The following ITGAE variants were observed in gnomAD, a reference collection of about 807,000 sequenced individuals.
ITGAE encodes the protein integrin alpha-E.
In ITGAE, 99 loss-of-function variants were observed where a neutral mutation model predicts 136.5. That is an observed-to-expected ratio of 0.73 (90% CI 0.62 to 0.86). The LOEUF is 0.86. Ranked by LOEUF, ITGAE falls within the 40% of genes least tolerant of loss-of-function variation. ITGAE has a pLI of 0.00. For missense variants in ITGAE, 1,447 were observed against 1,515.3 expected (o/e 0.95, Z 0.75); for synonymous variants, 613 against 591.8 (o/e 1.04, Z -0.52).
intron 1 of ITGAE, among the ~76,000 whole-genome samples, chr17:3,791,154 CAAAA>C (rs61179988): frequency 3.1e-5 from 3 of 96,286 alleles, no homozygotes; most frequent in Admixed American, 1.1e-4. Flanking sequence ...GACTCTGTCT[CAAAA>C]AAAAAAAAAA....
rs371105416 is a variant in ITGAE at position 3,753,340 on chromosome 17, G to A, written c.1618C>T (p.His540Tyr). The change falls in exon 14 of 31, where the codon CAC becomes TAC. Residue 540 changes from histidine (H) to tyrosine (Y), a missense_variant. Coordinates refer to ENST00000263087, the MANE Select transcript of ITGAE (RefSeq NM_002208.5). Reference protein sequence around the residue: ...DFLLVAAPFYHVHGEEGRVYV... With the variant: ...DFLLVAAPFYYVHGEEGRVYV... ...ACTCTGCCTTCTTCTCCATGAACGTGGTAAAATGGAGCAGCCACCAGCAAG... is the reference window on the plus strand; with the variant it reads ...ACTCTGCCTTCTTCTCCATGAACGTAGTAAAATGGAGCAGCCACCAGCAAG... The A allele has an allele frequency of 4.3e-6, 7 of 1,614,018 alleles. No homozygotes were observed. Among genetic ancestry groups the A allele is most frequent in the South Asian group, 1.1e-5 (1 of 91,086 alleles).
intron 19 of ITGAE, among the ~76,000 whole-genome samples, chr17:3,741,612 C>G (rs891961841): frequency 1.3e-5 from 2 of 152,136 alleles, no homozygotes; most frequent in Non-Finnish European, 2.9e-5. Context: ...AGGAAAGACA[C>G]ATAAAGAGAT....
At chr17:3,723,880 G>C (rs1441549032) in intron 26 of ITGAE, 136 bp from the exon 27 acceptor site, 1 of 1,520,426 alleles carries the variant, frequency 6.6e-7, no homozygotes, top group East Asian at 2.3e-5. Flanking sequence ...GGGCGCGTCC[G>C]CGTCGCACGG....
intron 2 of ITGAE, among the ~76,000 whole-genome samples, chr17:3,775,499 AC>A (rs2052517779): frequency 1.3e-5 from 2 of 152,000 alleles, no homozygotes; most frequent in Non-Finnish European, 2.9e-5. Flanking sequence ...TCGCTCCGTC[AC>A]CCAGGCTGGA....
chr17:3,760,073 G>T, intron 7 of ITGAE, 99 bp downstream of exon 7: 1 of 740,922 alleles, frequency 1.3e-6, no homozygotes, highest in Non-Finnish European at 2.4e-6. Context: ...GCCCAAGTAT[G>T]TGACCCATAG....
intron 26 of ITGAE, chr17:3,726,013 T>C: frequency 6.2e-7 from 1 of 1,614,098 alleles, no homozygotes; most frequent in Non-Finnish European, 8.5e-7. Context: ...CTGTCGCGCT[T>C]GGAACGGGAT....
intron 1 of ITGAE, among the ~76,000 whole-genome samples, chr17:3,795,665 C>T (rs927741200): frequency 6.6e-6 from 1 of 152,260 alleles, no homozygotes; most frequent in Admixed American, 6.5e-5. Flanking sequence ...GGCACTGCTC[C>T]TGCCGTGCGG....
intron 26 of ITGAE, chr17:3,725,662 C>G (rs752284222): frequency 6.3e-7 from 1 of 1,595,632 alleles, no homozygotes; most frequent in East Asian, 2.2e-5. Flanking sequence ...CTCCTCAAAG[C>G]CTGGGATCAC....
intron 1 of ITGAE, among the ~76,000 whole-genome samples, chr17:3,795,787 G>A (rs1282616507): frequency 6.6e-6 from 1 of 152,106 alleles, no homozygotes; most frequent in Non-Finnish European, 1.5e-5. Flanking sequence ...GTGTGCATGT[G>A]TGTGCATCCG....
intron 19 of ITGAE, among the ~76,000 whole-genome samples, chr17:3,740,678 G>A (rs2051564236): frequency 6.6e-6 from 1 of 152,128 alleles, no homozygotes; most frequent in Non-Finnish European, 1.5e-5. Context: ...GCCCGGCCTG[G>A]CTAGTCGTCT....
chr17:3,746,298 G>A (rs2051711980), intron 17 of ITGAE, among the ~76,000 whole-genome samples: 1 of 151,984 alleles, frequency 6.6e-6, no homozygotes, highest in Non-Finnish European at 1.5e-5. Context: ...CCCCAGGACG[G>A]CACAGCTGGA....
intron 1 of ITGAE, among the ~76,000 whole-genome samples, chr17:3,795,977 CCGTGTGTG>C (rs2053070120): frequency 2.0e-5 from 1 of 48,902 alleles, no homozygotes; most frequent in Admixed American, 2.6e-4. Context: ...GTGTGTGCAT[CCGTGTGTG>C]CATCTGTGTG....
intron 1 of ITGAE, among the ~76,000 whole-genome samples, chr17:3,793,973 C>CTTTTT (rs5818917): frequency 3.7e-5 from 3 of 81,194 alleles, no homozygotes; most frequent in African/African-American, 1.1e-4. Context: ...CCTCTTCATC[C>CTTTTT]TTTTTTTTTT....
intron 1 of ITGAE, among the ~76,000 whole-genome samples, chr17:3,780,622 G>A (rs1196376983): frequency 3.3e-5 from 5 of 152,026 alleles, no homozygotes; most frequent in East Asian, 1.9e-4. Flanking sequence ...CAGTAGAGAC[G>A]GAGTTTCTCC....
Position 3,790,511 on chromosome 17 carries a change from A to AAC in ITGAE, c.34+10598_34+10599dup, listed in dbSNP as rs144084191. On this transcript the variant is annotated intron_variant, in intron 1 of 30. Coordinates refer to ENST00000263087, the MANE Select transcript of ITGAE (RefSeq NM_002208.5). ...ATAGAGCAAGACTCCGTCTCAAACA[A>AAC]ACACACACACACACACACACAAAAG... Among the ~76,000 whole-genome samples, 265 of 60,362 alleles carry AAC rather than the reference A, an allele frequency of 4.4e-3. 1 individual carries two copies. The highest frequency in any genetic ancestry group is 0.027 in the South Asian group (65 of 2,410). The allele number at this position is 60,362 out of a possible 152,430, so 39.6% of individuals were successfully genotyped here. A position where few individuals can be genotyped will look rare whatever the true frequency, so the allele number is the denominator to read the frequency against.
chr17:3,728,191 C>T, intron 24 of ITGAE, 23 bp from the exon 25 acceptor site: 3 of 1,594,886 alleles, frequency 1.9e-6, no homozygotes, highest in Non-Finnish European at 2.6e-6. Flanking sequence ...GGACATGCGT[C>T]AGCCCTTGAG....
Position 3,734,866 on chromosome 17 carries a change from C to T in ITGAE, c.2606G>A (p.Ser869Asn). The T allele has an allele frequency of 6.2e-7, 1 of 1,614,172 alleles. No homozygotes were observed. Among genetic ancestry groups the T allele is most frequent in the Non-Finnish European group, 8.5e-7 (1 of 1,180,012 alleles). Residue 869 changes from serine (S) to asparagine (N), a missense_variant, in exon 21 of 31, where the codon AGC (serine) becomes AAC (asparagine). Coordinates refer to ENST00000263087, the MANE Select transcript of ITGAE (RefSeq NM_002208.5). Reference protein sequence around the residue: ...TNSGEDSYMTSMALNYPRNLQ... With the variant: ...TNSGEDSYMTNMALNYPRNLQ... ...GTTTCTGGGGTAATTCAAGGCCATG[C>T]TTGTCATGTAGGAATCTTCCCCGGA...
chr17:3,729,602 C>T (rs762668149), intron 23 of ITGAE, 47 bp from the exon 24 acceptor site: 52 of 1,214,626 alleles, frequency 4.3e-5, no homozygotes, highest in Non-Finnish European at 5.9e-5. Context: ...TTGTACATAG[C>T]AAGTGCTTCT....
At chr17:3,794,397 G>C (rs1417355101) in intron 1 of ITGAE, among the ~76,000 whole-genome samples, 1 of 152,142 alleles carries the variant, frequency 6.6e-6, no homozygotes, top group Admixed American at 6.6e-5. Context: ...TGGGATTACA[G>C]GAGTGAGCCA....
Sources: gnomAD v4.1 joint callset for allele counts (sites outside exome capture counted in the v4.1 genomes callset) on GRCh38, gnomAD v4.1.1 for gene constraint, MANE v1.5 for transcripts, NCBI Gene and HGNC (gene_info 2026-07-23, HGNC 2026-07-21) for gene names.